MAP3K5: variants seen among roughly 807,000 people sequenced by gnomAD.
MAP3K5 encodes ASK-1.
Under a neutral mutation model 158.7 loss-of-function variants are expected in MAP3K5, and 56 were observed. The ratio of observed to expected loss-of-function variants is 0.35; its 90% CI spans 0.28 to 0.44. The LOEUF (loss-of-function observed/expected upper bound fraction) is 0.44. Among genes scored for constraint, MAP3K5 ranks in the 20% least tolerant of loss-of-function variants. MAP3K5 has a pLI of 1.00. For missense variants in MAP3K5, 1,294 were observed against 1,674.8 expected (o/e 0.77, Z 3.97); for synonymous variants, 579 against 601.7 (o/e 0.96, Z 0.55).
intron 21 of MAP3K5, among the ~76,000 whole-genome samples, chr6:136,597,852 C>T (rs117049287): frequency 0.012 from 1,820 of 152,312 alleles, 28 homozygotes; most frequent in Non-Finnish European, 0.018. Context: ...GTCACTACTA[C>T]CCACATATGG....
chr6:136,701,883 A>G (rs1482954294), intron 3 of MAP3K5, among the ~76,000 whole-genome samples: 1 of 152,238 alleles, frequency 6.6e-6, no homozygotes, highest in East Asian at 1.9e-4. Context: ...GATACTACAT[A>G]TATTAGTTTA....
intron 1 of MAP3K5, among the ~76,000 whole-genome samples, chr6:136,788,883 A>G (rs1007175988): frequency 2.6e-5 from 4 of 152,264 alleles, no homozygotes; most frequent in Admixed American, 2.6e-4. Flanking sequence ...CGTTCGACCC[A>G]GCAATCCCAT....
chr6:136,656,982 T>A (rs1426461431), intron 9 of MAP3K5, among the ~76,000 whole-genome samples: 1 of 152,228 alleles, frequency 6.6e-6, no homozygotes, highest in Non-Finnish European at 1.5e-5. Flanking sequence ...GGTTATTTTA[T>A]CCCTATTTTA....
chr6:136,612,873 A>G (rs1037092518), intron 17 of MAP3K5, among the ~76,000 whole-genome samples: 35 of 152,212 alleles, frequency 2.3e-4, no homozygotes, highest in African/African-American at 8.4e-4. Context: ...CCTAGGAAAC[A>G]TTGTGTGGTG....
chr6:136,579,897 A>G, intron 25 of MAP3K5: 1 of 456,934 alleles, frequency 2.2e-6, no homozygotes, highest in South Asian at 1.5e-5. Flanking sequence ...TTTAAAGACA[A>G]TTAAATTGCT....
chr6:136,699,379 T>C (rs1780748578), intron 3 of MAP3K5, among the ~76,000 whole-genome samples: 1 of 152,248 alleles, frequency 6.6e-6, no homozygotes, highest in Non-Finnish European at 1.5e-5. Flanking sequence ...TCTTGTCCTC[T>C]AATTTACTCT....
In MAP3K5 at chr6:136,611,449, C is replaced by T. The variant is rs568795888; in HGVS notation, c.2416-62G>A. 9.9e-4 allele frequency: 884 copies of T among 894,190 alleles called. 1 individual carries two copies. Among genetic ancestry groups the T allele is most frequent in the Non-Finnish European group, 1.2e-3 (672 of 552,750 alleles). The allele number at this position is 894,190 out of a possible 1,614,324, so 55.4% of individuals were successfully genotyped here. The stretch of plus-strand genomic sequence containing the variant: ...TTCTTCAGATACTGTCTGTTGTTGA[C>T]TTGGTAAGTCCAATTTAAAAAAAAA... On this transcript the variant is annotated intron_variant, in intron 17 of 29. Transcript: ENST00000359015.
At chr6:136,725,844 T>C (rs1781944163) in intron 1 of MAP3K5, among the ~76,000 whole-genome samples, 1 of 152,246 alleles carries the variant, frequency 6.6e-6, no homozygotes, top group African/African-American at 2.4e-5. Context: ...TTTAAGTCTA[T>C]GAACCATTTA....
intron 2 of MAP3K5, among the ~76,000 whole-genome samples, chr6:136,718,569 A>C (rs1284577714): frequency 6.6e-6 from 1 of 152,180 alleles, no homozygotes; most frequent in Non-Finnish European, 1.5e-5. Context: ...AGAAGCAGAT[A>C]ATATGTACAA....
chr6:136,755,551 A>C (rs1206307240), intron 1 of MAP3K5, among the ~76,000 whole-genome samples: 1 of 152,042 alleles, frequency 6.6e-6, no homozygotes, highest in Non-Finnish European at 1.5e-5. Context: ...TTCAAAAAAT[A>C]TAATAAAATG....
At chr6:136,566,196 C>G (rs2237262) in intron 26 of MAP3K5, among the ~76,000 whole-genome samples, 29,902 of 152,058 alleles carry the variant, frequency 0.2, 3,452 homozygotes, top group East Asian at 0.41. Context: ...AGGAAAAGGA[C>G]TTGTGTCTAG....
chr6:136,750,612 T>C (rs1286533872), intron 1 of MAP3K5, among the ~76,000 whole-genome samples: 2 of 152,224 alleles, frequency 1.3e-5, no homozygotes, highest in African/African-American at 4.8e-5. Flanking sequence ...GTGGCATCTT[T>C]AGATAGATTT....
At chr6:136,758,077 A>G (rs1341585698) in intron 1 of MAP3K5, among the ~76,000 whole-genome samples, 1 of 152,248 alleles carries the variant, frequency 6.6e-6, no homozygotes, top group Non-Finnish European at 1.5e-5. Flanking sequence ...AACTTTTGCT[A>G]AAATATTGAG....
chr6:136,703,436 C>T (rs985931311), intron 3 of MAP3K5, among the ~76,000 whole-genome samples: 7 of 152,150 alleles, frequency 4.6e-5, no homozygotes, highest in African/African-American at 1.7e-4. Context: ...CTTCTTTGTT[C>T]GCTGATTTTC....
intron 23 of MAP3K5, among the ~76,000 whole-genome samples, chr6:136,586,742 C>T (rs1775158186): frequency 6.6e-6 from 1 of 151,998 alleles, no homozygotes; most frequent in African/African-American, 2.4e-5. Context: ...AGTCTGTGGG[C>T]TGGGAAAGGC....
Position 136,709,814 on chromosome 6 carries a change from C to A in MAP3K5, c.589-4681G>T, listed in dbSNP as rs181206428. Among the ~76,000 whole-genome samples the A allele has an allele frequency of 2.8e-3, 431 of 152,264 alleles. 2 individuals are homozygous for A. The highest frequency in any genetic ancestry group is 4.7e-3 in the Non-Finnish European group (319 of 68,020). The stretch of plus-strand genomic sequence containing the variant: ...CCAGATGATGGTGTGCACCTGTAAT[C>A]CCAGCTACTCAAGAGGCAGAGGCAG... On this transcript the variant is annotated intron_variant, in intron 2 of 29. Coordinates refer to ENST00000359015, the MANE Select transcript of MAP3K5 (RefSeq NM_005923.4).
intron 7 of MAP3K5, among the ~76,000 whole-genome samples, chr6:136,671,650 G>C (rs943322302): frequency 5.3e-5 from 8 of 152,200 alleles, no homozygotes; most frequent in African/African-American, 1.9e-4. Flanking sequence ...TTTCACTCTT[G>C]TTGCCTAGGC....
At chr6:136,659,680 C>T (rs1036198481) in intron 8 of MAP3K5, among the ~76,000 whole-genome samples, 1 of 152,032 alleles carries the variant, frequency 6.6e-6, no homozygotes, top group Admixed American at 6.5e-5. Context: ...AATTCCTAAA[C>T]GTGGAAAGCA....
intron 14 of MAP3K5, among the ~76,000 whole-genome samples, chr6:136,632,559 C>A (rs537793595): frequency 6.6e-6 from 1 of 151,876 alleles, no homozygotes; most frequent in Admixed American, 6.6e-5. Context: ...TCTGGGGAGT[C>A]GCAGGATTAA....
Sources: allele counts gnomAD v4.1 joint callset (sites outside exome capture counted in the v4.1 genomes callset), GRCh38; gene constraint gnomAD v4.1.1; transcripts MANE v1.5; gene names NCBI Gene and HGNC (gene_info 2026-07-23, HGNC 2026-07-21).